Variants in RGL1 observed in about 807,000 individuals in gnomAD.
The protein encoded by RGL1 is ral guanine nucleotide dissociation stimulator-like 1.
In RGL1, 24 loss-of-function variants were observed where a neutral mutation model predicts 95.2. The observed-to-expected ratio is 0.25, with a 90% CI of 0.18 to 0.35. The LOEUF is 0.35. RGL1 is among the 10% of genes least tolerant of loss of function. RGL1 has a pLI of 1.00. For missense variants in RGL1, 715 were observed against 936.3 expected, an observed-to-expected ratio of 0.76 and a Z score of 3.08; for synonymous variants, 329 against 344.9, an observed-to-expected ratio of 0.95 and a Z score of 0.51.
chr1:183,916,359 T>C, intron 15 of RGL1, 88 bp from the exon 16 acceptor site: 1 of 1,494,422 alleles, frequency 6.7e-7, no homozygotes, highest in Non-Finnish European at 9.2e-7. Context: ...AGTCTATCAG[T>C]CTTGATATCT....
At chr1:183,860,471 C>T (rs891836069) in intron 3 of RGL1, among the ~76,000 whole-genome samples, 3 of 152,198 alleles carry the variant, frequency 2.0e-5, no homozygotes, top group Non-Finnish European at 4.4e-5. Context: ...GCTCACTCAG[C>T]TCTGCCCCTC....
intron 11 of RGL1, among the ~76,000 whole-genome samples, chr1:183,901,149 A>C (rs1183446260): frequency 6.6e-6 from 1 of 151,868 alleles, no homozygotes; most frequent in African/African-American, 2.4e-5. Context: ...AAACACAAAA[A>C]TCAGCCGGGC....
intron 1 of RGL1, among the ~76,000 whole-genome samples, chr1:183,655,890 T>C (rs1651120580): frequency 6.6e-6 from 1 of 152,184 alleles, no homozygotes; most frequent in Non-Finnish European, 1.5e-5. Flanking sequence ...TTAGATGCTC[T>C]AAAGAAGGCT....
At chr1:183,864,215 C>T (rs1393151331) in intron 3 of RGL1, among the ~76,000 whole-genome samples, 1 of 152,184 alleles carries the variant, frequency 6.6e-6, no homozygotes, top group Non-Finnish European at 1.5e-5. Context: ...CTGGTGTTTT[C>T]CCTTTTTATA....
At chr1:183,899,348 C>A (rs141016847) in intron 10 of RGL1, among the ~76,000 whole-genome samples, 197 of 152,298 alleles carry the variant, frequency 1.3e-3, no homozygotes, top group African/African-American at 4.7e-3. Flanking sequence ...GTCTGTCACC[C>A]CTGTCTCTTC....
In RGL1 at chr1:183,653,805, G is replaced by A. The variant is rs374532297; in HGVS notation, c.-33+17304G>A. Reference sequence around the variant, plus strand: ...TTCCCTCCAGTTTAAGACAAGATTTGTTCCAGGATCGGTTGTAGCCCCTTC... The same window carrying A: ...TTCCCTCCAGTTTAAGACAAGATTTATTCCAGGATCGGTTGTAGCCCCTTC... On this transcript the variant is annotated intron_variant, in intron 1 of 18. Transcript: ENST00000304685. 4.6e-5 allele frequency among the ~76,000 whole-genome samples: 7 copies of A among 152,242 alleles called. No homozygotes were observed. The East Asian group carries it at 1.4e-3, about 29-fold the overall frequency.
At chr1:183,904,281 A>C (rs2102706426) in intron 12 of RGL1, among the ~76,000 whole-genome samples, 1 of 152,222 alleles carries the variant, frequency 6.6e-6, no homozygotes, top group East Asian at 1.9e-4. Flanking sequence ...CGTAGTAAAA[A>C]CCCAAGGATT....
intron 10 of RGL1, 52 bp downstream of exon 10, chr1:183,897,949 TGC>T: frequency 1.3e-6 from 2 of 1,510,274 alleles, no homozygotes. Context: ...AAGGGCCGTG[TGC>T]GTCTGGGCTC....
intron 3 of RGL1, among the ~76,000 whole-genome samples, chr1:183,851,862 T>G (rs1342319535): frequency 1.3e-5 from 2 of 152,238 alleles, no homozygotes; most frequent in Admixed American, 6.5e-5. Context: ...AATTGGTTGT[T>G]GAGACTTTTA....
chr1:183,737,956 A>C (rs551772002), intron 1 of RGL1, among the ~76,000 whole-genome samples: 1 of 152,320 alleles, frequency 6.6e-6, no homozygotes, highest in East Asian at 1.9e-4. Flanking sequence ...ATTGATTTCC[A>C]AAGGAGTCCG....
intron 3 of RGL1, among the ~76,000 whole-genome samples, chr1:183,855,295 G>T (rs1665065407): frequency 6.6e-6 from 1 of 152,156 alleles, no homozygotes; most frequent in Non-Finnish European, 1.5e-5. Flanking sequence ...CCCGGGAGCT[G>T]GTAGTTGTAA....
chr1:183,888,099 A>G (rs1667220369), intron 7 of RGL1, among the ~76,000 whole-genome samples: 1 of 152,196 alleles, frequency 6.6e-6, no homozygotes, highest in Non-Finnish European at 1.5e-5. Flanking sequence ...TTGGGATCTA[A>G]AGAAGATCTA....
intron 2 of RGL1, among the ~76,000 whole-genome samples, chr1:183,817,483 T>C (rs998137377): frequency 2.0e-5 from 3 of 152,210 alleles, no homozygotes; most frequent in African/African-American, 4.8e-5. Context: ...GACTTAAAAA[T>C]AGATTCCAGG....
chr1:183,779,619 C>T (rs1055281819), intron 2 of RGL1, among the ~76,000 whole-genome samples: 4 of 152,002 alleles, frequency 2.6e-5, no homozygotes, highest in Non-Finnish European at 4.4e-5. Context: ...AGATGACTCT[C>T]GATGCTAATT....
chr1:183,671,085 T>C (rs1341850014), intron 1 of RGL1, among the ~76,000 whole-genome samples: 2 of 152,134 alleles, frequency 1.3e-5, no homozygotes, highest in South Asian at 2.1e-4. Context: ...AAGTGCTGAG[T>C]GAAGGAGGAA....
intron 2 of RGL1, among the ~76,000 whole-genome samples, chr1:183,813,740 T>A (rs1047713117): frequency 6.6e-6 from 1 of 152,222 alleles, no homozygotes; most frequent in African/African-American, 2.4e-5. Flanking sequence ...AAATTCTGTC[T>A]GATACTCTTT....
At chr1:183,891,975 C>A in intron 8 of RGL1, 102 bp from the exon 9 acceptor site, 2 of 812,534 alleles carry the variant, frequency 2.5e-6, no homozygotes, top group Non-Finnish European at 2.0e-6. Context: ...CTGAGATCAG[C>A]ACAGTCCCTC....
At position 183,884,769 on chromosome 1, in the gene RGL1, G is replaced by A; in HGVS notation, c.782G>A (p.Trp261Ter). 1 of 1,614,058 alleles carries A rather than the reference G, an allele frequency of 6.2e-7. No individual in the cohort carries two copies. The highest frequency in any genetic ancestry group is 8.5e-7 in the Non-Finnish European group (1 of 1,179,970). The change falls in exon 7 of 18, where the codon TGG becomes TAG. Residue 261 changes from tryptophan to a stop codon, truncating the protein, a stop_gained. Coordinates refer to ENST00000360851, the MANE Select transcript of RGL1 (RefSeq NM_001297671.3). LOFTEE classifies it high-confidence loss of function. ...CCTCACCACTGCCTGGGCTGCATTT[G>A]GTCTCGAAGGGATAAGAAGGAAAAC... The part of the protein sequence containing the change: ...VVPHHCLGCI[W>*]SRRDKKENKH...
chr1:183,777,379 A>C (rs982404041), intron 2 of RGL1, among the ~76,000 whole-genome samples: 4 of 152,240 alleles, frequency 2.6e-5, no homozygotes, highest in African/African-American at 9.6e-5. Flanking sequence ...AACCAATGGC[A>C]TGTGTCCATT....
Sources: allele counts gnomAD v4.1 joint callset (sites outside exome capture counted in the v4.1 genomes callset), GRCh38; gene constraint gnomAD v4.1.1; transcripts MANE v1.5; gene names NCBI Gene and HGNC (gene_info 2026-07-23, HGNC 2026-07-21).